The following SEC14L5 variants were observed in gnomAD, a reference collection of about 807,000 sequenced individuals.
The protein encoded by SEC14L5 is SEC14 like lipid binding 5.
Under a neutral mutation model 84.6 loss-of-function variants are expected in SEC14L5, and 96 were observed. The ratio of observed to expected loss-of-function variants is 1.13; its 90% confidence interval spans 0.96 to 1.34. SEC14L5 has a LOEUF of 1.34. SEC14L5 is among the 40% of genes most tolerant of loss of function. The pLI is 0.00. For synonymous variants in SEC14L5, 546 were observed against 383.4 expected, an observed-to-expected ratio of 1.42 and a Z score of -4.95; for missense variants, 1,224 against 942.5, an observed-to-expected ratio of 1.30 and a Z score of -3.91.
intron 2 of SEC14L5, among the ~76,000 whole-genome samples, chr16:4,966,100 C>T (rs1955197109): frequency 6.6e-6 from 1 of 151,998 alleles, no homozygotes; most frequent in South Asian, 2.1e-4. Context: ...AACTCATACA[C>T]AGCACTGAAG....
At chr16:4,981,742 C>G (rs1955426015) in intron 2 of SEC14L5, among the ~76,000 whole-genome samples, 1 of 152,066 alleles carries the variant, frequency 6.6e-6, no homozygotes, top group African/African-American at 2.4e-5. Flanking sequence ...AATTAGTGAG[C>G]CTCTCTGGGC....
rs549972078 is a variant in SEC14L5 at position 4,988,385 on chromosome 16, C to T, written c.345+105C>T. On this transcript the variant is annotated intron_variant, in intron 4 of 15. Coordinates refer to ENST00000251170, the MANE Select transcript of SEC14L5 (RefSeq NM_014692.2). Reference sequence around the variant, plus strand: ...CACATTCCTTGAGCCTCTGCCAAGCCCTCCCTCCTGGGGCATTGTCAAGAA... The same window carrying T: ...CACATTCCTTGAGCCTCTGCCAAGCTCTCCCTCCTGGGGCATTGTCAAGAA... The T allele has an allele frequency of 4.2e-5, 59 of 1,393,606 alleles. No individual in the cohort carries two copies. In the East Asian group the frequency reaches 1.1e-3, roughly 27 times the overall value. 86.3% of individuals were successfully genotyped at this position (1,393,606 alleles called of 1,614,324 possible). A position where few individuals can be genotyped will look rare whatever the true frequency, so the allele number is the denominator to read the frequency against.
chr16:5,006,240 G>T (rs1234274436), intron 12 of SEC14L5, among the ~76,000 whole-genome samples, 192 bp downstream of exon 12: 2 of 152,254 alleles, frequency 1.3e-5, no homozygotes, highest in Admixed American at 6.5e-5. Context: ...AAAGAGAGGT[G>T]ATGCTGTTCT....
At chr16:4,983,974 C>G (rs985561775) in intron 2 of SEC14L5, among the ~76,000 whole-genome samples, 2 of 152,024 alleles carry the variant, frequency 1.3e-5, no homozygotes, top group Non-Finnish European at 1.5e-5. Context: ...AACACATACA[C>G]TTGGAGAGAG....
chr16:5,002,263 CT>C (rs1427638634), intron 10 of SEC14L5, among the ~76,000 whole-genome samples: 1 of 149,682 alleles, frequency 6.7e-6, no homozygotes, highest in Non-Finnish European at 1.5e-5. Flanking sequence ...ATATCCCGAT[CT>C]TTGTGAAAAT....
intron 2 of SEC14L5, among the ~76,000 whole-genome samples, chr16:4,975,566 T>C (rs73527333): frequency 0.033 from 4,973 of 152,104 alleles, 246 homozygotes; most frequent in African/African-American, 0.11. Flanking sequence ...AAAATCCACT[T>C]ATTGGTTGAT....
In SEC14L5 at chr16:5,011,201, C is replaced by A; in HGVS notation, c.1907C>A (p.Thr636Lys). The change falls in exon 15 of 16, where the codon ACG (threonine) becomes AAG (lysine). Residue 636 changes from threonine to lysine, a missense_variant. Thr to Lys is a moderately conservative substitution (Grantham distance 78). Coordinates refer to ENST00000251170, the MANE Select transcript of SEC14L5 (RefSeq NM_014692.2). ...CSLPGVDDVL[T>K]ALHSPGPKCK... The stretch of plus-strand genomic sequence containing the variant: ...CTCCCGGGTGTGGACGATGTCCTGA[C>A]GGCTCTGCACAGCCCCGGGCCCAAG... The A allele has an allele frequency of 6.2e-7, 1 of 1,613,792 alleles. No homozygotes were observed. Among genetic ancestry groups the A allele is most frequent in the South Asian group, 1.1e-5 (1 of 91,064 alleles).
intron 8 of SEC14L5, among the ~76,000 whole-genome samples, chr16:4,998,110 A>T (rs1195901078): frequency 6.7e-6 from 1 of 149,168 alleles, no homozygotes; most frequent in Non-Finnish European, 1.5e-5. Flanking sequence ...GGTTCAAGCG[A>T]TTCTCCTGCG....
chr16:4,968,061 C>G (rs1955228481), intron 2 of SEC14L5, among the ~76,000 whole-genome samples: 1 of 149,062 alleles, frequency 6.7e-6, no homozygotes, highest in South Asian at 2.2e-4. Flanking sequence ...CTCTGTTACT[C>G]AAGCTGGAGT....
At chr16:5,010,953 G>A in intron 14 of SEC14L5, 142 bp from the exon 15 acceptor site, 1 of 734,122 alleles carries the variant, frequency 1.4e-6, no homozygotes, top group Non-Finnish European at 2.2e-6. Context: ...GACAGGAGGA[G>A]TTGCTGGTGG....
chr16:4,987,450 C>T, intron 2 of SEC14L5, 107 bp from the exon 3 acceptor site: 2 of 963,414 alleles, frequency 2.1e-6, no homozygotes, highest in Non-Finnish European at 3.0e-6. Context: ...GTGGCCAGGG[C>T]TGCCTTTCCC....
chr16:4,959,170 G>A, intron 1 of SEC14L5, 103 bp from the exon 2 acceptor site: 1 of 643,236 alleles, frequency 1.6e-6, no homozygotes, highest in Non-Finnish European at 2.9e-6. Flanking sequence ...GAAGGCTGGG[G>A]AGCTGTGTGG....
rs372884597 is a variant in SEC14L5, at chr16:4,967,864, C to T, written c.63+8478C>T. On this transcript the variant is annotated intron_variant, in intron 2 of 15. Coordinates refer to ENST00000251170, the MANE Select transcript of SEC14L5 (RefSeq NM_014692.2). ...TCAGGTGATCCACCTACCTCGGCCT[C>T]CCAAAGTGCTGTGATTACAGGCGTG... Among the ~76,000 whole-genome samples the T allele has an allele frequency of 2.4e-4, 37 of 151,472 alleles. No homozygotes were observed. In the East Asian group the frequency reaches 6.7e-3, roughly 27 times the overall value.
At position 5,018,598 on chromosome 16, in the gene SEC14L5, T is replaced by C. The variant is rs1169883244; in HGVS notation, c.*3628T>C. The C allele has an allele frequency of 6.6e-6, 1 of 152,102 alleles. No homozygotes were observed. Among genetic ancestry groups the C allele is most frequent in the Non-Finnish European group, 1.5e-5 (1 of 68,022 alleles). 9.4% of individuals were successfully genotyped at this position (152,102 alleles called of 1,614,324 possible). A position where few individuals can be genotyped will look rare whatever the true frequency, so the allele number is the denominator to read the frequency against. On this transcript the variant is annotated 3_prime_UTR_variant, in exon 16 of 16. Transcript: ENST00000251170. ...AGAAGGATTGCTTGGAGGTCAAGGC[T>C]GGAGTGAGCCATGATCTCACCCCTG...
intron 6 of SEC14L5, among the ~76,000 whole-genome samples, chr16:4,994,807 C>G (rs1253163514): frequency 6.6e-6 from 1 of 152,092 alleles, no homozygotes; most frequent in Admixed American, 6.5e-5. Context: ...GTGCTGTCCG[C>G]CAGCAGCACA....
rs1023190185 is a variant in SEC14L5, at chr16:4,965,678, A to G, written c.63+6292A>G. Among the ~76,000 whole-genome samples, 7 of 151,162 alleles carry G rather than the reference A, an allele frequency of 4.6e-5. No homozygotes were observed. In the South Asian group the frequency reaches 8.3e-4, roughly 18 times the overall value. ...TCCATCTCAAAAAAAAAAAAAAAAA[A>G]AAAAAAAAAAAGAAATCTCTATTGT... is the stretch of plus-strand genomic sequence containing the variant. On this transcript the variant is annotated intron_variant, in intron 2 of 15. Transcript: ENST00000251170.
Position 4,988,325 on chromosome 16 carries a change from CGCCCGGCACCCACCTGT to C in SEC14L5, c.345+50_345+66del, listed in dbSNP as rs771634178. On this transcript the variant is annotated intron_variant, in intron 4 of 15. Coordinates refer to ENST00000251170, the MANE Select transcript of SEC14L5 (RefSeq NM_014692.2). ...AGCGCCCACGCCCGGCACCCACCTG[CGCCCGGCACCCACCTGT>C]GCCCAGAGCTGTGTCCCCACATTCC... 7.5e-6 allele frequency: 12 copies of C among 1,599,226 alleles called. No individual in the cohort carries two copies. The Admixed American group carries it at 1.9e-4, about 25-fold the overall frequency.
intron 11 of SEC14L5, 142 bp from the exon 12 acceptor site, chr16:5,005,772 G>C (rs1464902312): frequency 1.3e-6 from 1 of 753,978 alleles, no homozygotes. Flanking sequence ...GCTGAGGCAG[G>C]AGGATGGCGT....
Position 5,003,574 on chromosome 16 carries a change from GTAAGAGCTGGAGCCT to G in SEC14L5, c.1302+2_1302+16del. On this transcript the variant is annotated splice_donor_variant and splice_donor_5th_base_variant and intron_variant, in intron 11 of 15. Transcript: ENST00000251170. LOFTEE classifies it high-confidence loss of function. The stretch of plus-strand genomic sequence containing the variant: ...AGTCTTCCCCGTGCTCTGGACACTG[GTAAGAGCTGGAGCCT>G]GGGCCAGGACTCTCCCTGGGGGTGG... The G allele has an allele frequency of 7.7e-7, 1 of 1,291,228 alleles. No homozygotes were observed. Among genetic ancestry groups the G allele is most frequent in the South Asian group, 1.2e-5 (1 of 84,498 alleles). 80.0% of individuals were successfully genotyped at this position (1,291,228 alleles called of 1,614,324 possible). A position where few individuals can be genotyped will look rare whatever the true frequency, so the allele number is the denominator to read the frequency against.
Sources: gnomAD v4.1 joint callset for allele counts (sites outside exome capture counted in the v4.1 genomes callset) on GRCh38, gnomAD v4.1.1 for gene constraint, MANE v1.5 for transcripts, NCBI Gene and HGNC (gene_info 2026-07-23, HGNC 2026-07-21) for gene names.